Variants in BCCIP observed in about 807,000 individuals in gnomAD.
The protein encoded by BCCIP is BRCA2 and CDKN1A-interacting protein.
In BCCIP, 23 loss-of-function variants were observed where a neutral mutation model predicts 32.8. The observed-to-expected ratio is 0.70, with a 90% CI of 0.51 to 0.99. The LOEUF (loss-of-function observed/expected upper bound fraction) is 0.99. Among genes scored for constraint, BCCIP ranks in the 50% least tolerant of loss-of-function variants. The pLI is 0.00. For synonymous variants in BCCIP, 144 were observed against 137.6 expected, an observed-to-expected ratio of 1.05 and a Z score of -0.33; for missense variants, 378 against 379.8, an observed-to-expected ratio of 1.00 and a Z score of 0.04.
chr10:125,835,195 T>C (rs118103535), intron 6 of BCCIP, among the ~76,000 whole-genome samples: 2,198 of 152,084 alleles, frequency 0.014, 24 homozygotes, highest in Non-Finnish European at 0.023. Context: ...TTGGATGATA[T>C]CACATCACTT....
downstream of BCCIP, chr10:125,838,358 G>A (rs1854766607): frequency 6.9e-6 from 11 of 1,601,492 alleles, no homozygotes; most frequent in Non-Finnish European, 8.5e-6. Context: ...GCATTAAGTA[G>A]TTACCTGATC....
At chr10:125,838,075 G>T, downstream of BCCIP, 1 of 794,952 alleles carries the variant, frequency 1.3e-6, no homozygotes, top group Non-Finnish European at 1.9e-6. Context: ...CCCTTAGTAG[G>T]TACTGTCAAC....
At chr10:125,836,750 C>T, downstream of BCCIP, 2 of 1,614,174 alleles carry the variant, frequency 1.2e-6, no homozygotes, top group Non-Finnish European at 1.7e-6. Flanking sequence ...GTTCCTTATT[C>T]ATTGTTGACA....
chr10:125,853,047 A>C (rs896975956), intron 7 of BCCIP: 2 of 1,078,406 alleles, frequency 1.9e-6, no homozygotes, highest in African/African-American at 3.2e-5. Context: ...TCTCACCTTT[A>C]CAACACATAC....
At chr10:125,837,394 C>T (rs1394144717), downstream of BCCIP, among the ~76,000 whole-genome samples, 1 of 152,124 alleles carries the variant, frequency 6.6e-6, no homozygotes. Flanking sequence ...CTTGCCATTG[C>T]CCCTCCTTTC....
At chr10:125,833,043 A>C (rs1338790324) in intron 5 of BCCIP, among the ~76,000 whole-genome samples, 1 of 151,670 alleles carries the variant, frequency 6.6e-6, no homozygotes, top group East Asian at 1.9e-4. Context: ...AATCGTGTGA[A>C]CCTGGCAGGC....
At chr10:125,837,964 T>C (rs867903743), downstream of BCCIP, among the ~76,000 whole-genome samples, 1 of 152,204 alleles carries the variant, frequency 6.6e-6, no homozygotes, top group African/African-American at 2.4e-5. Context: ...ATTCTGTCCT[T>C]CTTAAAGACA....
downstream of BCCIP, among the ~76,000 whole-genome samples, chr10:125,843,529 G>A (rs1297137708): frequency 1.3e-4 from 20 of 152,034 alleles, no homozygotes; most frequent in African/African-American, 3.9e-4. Context: ...GGAGAATGGC[G>A]TGAACCCAGG....
chr10:125,847,268 TG>T (rs1944034214), downstream of BCCIP, among the ~76,000 whole-genome samples: 1 of 152,216 alleles, frequency 6.6e-6, no homozygotes, highest in Non-Finnish European at 1.5e-5. Context: ...GATACAGGGA[TG>T]AGAAACTAAA....
At chr10:125,840,750 G>A, downstream of BCCIP, 3 of 1,356,772 alleles carry the variant, frequency 2.2e-6, no homozygotes, top group South Asian at 1.7e-5. Context: ...GGCCAGTAGG[G>A]CTGGCGAAGA....
chr10:125,826,540 C>T (rs1311482615), intron 1 of BCCIP, 51 bp from the exon 2 acceptor site: 16 of 1,607,844 alleles, frequency 1.0e-5, no homozygotes, highest in Middle Eastern at 1.7e-4. Flanking sequence ...GTTTTAAAGT[C>T]TAGATGTTTG....
At chr10:125,840,163 C>A (rs1434306307), downstream of BCCIP, among the ~76,000 whole-genome samples, 1 of 152,216 alleles carries the variant, frequency 6.6e-6, no homozygotes, top group African/African-American at 2.4e-5. Flanking sequence ...GTGGCTCTAG[C>A]CTCTGCTATG....
chr10:125,839,059 C>T (rs771173173), downstream of BCCIP: 3 of 1,614,142 alleles, frequency 1.9e-6, no homozygotes, highest in Non-Finnish European at 2.5e-6. Context: ...TTCCTTGGAG[C>T]CAAAAGCAGG....
chr10:125,838,936 G>T, downstream of BCCIP: 2 of 1,457,840 alleles, frequency 1.4e-6, no homozygotes, highest in African/African-American at 2.8e-5. Context: ...GCCATTGTTG[G>T]CAGCATATCC....
At chr10:125,848,028 A>AT (rs1300593331) in intron 7 of BCCIP, among the ~76,000 whole-genome samples, 3 of 152,198 alleles carry the variant, frequency 2.0e-5, no homozygotes, top group Admixed American at 6.5e-5. Flanking sequence ...GCATTAATGT[A>AT]TATACACATT....
intron 5 of BCCIP, among the ~76,000 whole-genome samples, chr10:125,833,232 CAGAA>C (rs1383665143): frequency 5.3e-5 from 8 of 151,644 alleles, no homozygotes; most frequent in Non-Finnish European, 8.8e-5. Flanking sequence ...GTTTAATTTT[CAGAA>C]AGAAGAAACA....
rs751316320 is a variant in BCCIP at position 125,827,542 on chromosome 10, T to A, written c.241-16T>A. 12 of 1,548,890 alleles carry A rather than the reference T, an allele frequency of 7.7e-6. No homozygotes were observed. In the South Asian group the frequency reaches 1.4e-4, roughly 18 times the overall value. On this transcript the variant is annotated splice_polypyrimidine_tract_variant and intron_variant, in intron 2 of 6. Coordinates refer to ENST00000278100, the MANE Select transcript of BCCIP (RefSeq NM_078468.3). ...TGCTTTGATCTTAATTTAAAATAAT[T>A]TTTTCCTCCTTTTAGCTTTTTCTAA...
exon 7 of BCCIP, chr10:125,841,955 T>C (rs1854893171): frequency 6.4e-7 from 1 of 1,567,764 alleles, no homozygotes; most frequent in Non-Finnish European, 8.6e-7. Flanking sequence ...AAAAAAATAA[T>C]AATTTAAGAG....
At chr10:125,845,045 A>G (rs1564824029), downstream of BCCIP, among the ~76,000 whole-genome samples, 1 of 152,086 alleles carries the variant, frequency 6.6e-6, no homozygotes, top group Non-Finnish European at 1.5e-5. Flanking sequence ...TCAGTAGAAA[A>G]CCTAGTTACA....
Sources: allele counts gnomAD v4.1 joint callset (sites outside exome capture counted in the v4.1 genomes callset), GRCh38; gene constraint gnomAD v4.1.1; transcripts MANE v1.5; gene names NCBI Gene and HGNC (gene_info 2026-07-23, HGNC 2026-07-21).